The following SLC38A4 variants were observed in gnomAD, a reference collection of about 807,000 sequenced individuals.
SLC38A4 encodes sodium-coupled neutral amino acid transporter 4.
Under a neutral mutation model 63.1 loss-of-function variants are expected in SLC38A4, and 20 were observed. The ratio of observed to expected loss-of-function variants is 0.32; its 90% confidence interval spans 0.22 to 0.46. The LOEUF is 0.46. SLC38A4 is among the 20% of genes least tolerant of loss of function. The pLI, the probability that SLC38A4 is intolerant of heterozygous loss-of-function variation, is 1.00. For synonymous variants in SLC38A4, 230 were observed against 225.5 expected, an observed-to-expected ratio of 1.02 and a Z score of -0.18; for missense variants, 526 against 663.6, an observed-to-expected ratio of 0.79 and a Z score of 2.28.
chr12:46,769,336 A>G lies in SLC38A4; in HGVS notation c.1392T>C (p.Asn464=), dbSNP rs755105921. The G allele has an allele frequency of 2.0e-5, 32 of 1,613,374 alleles. No individual in the cohort carries two copies. The highest frequency in any genetic ancestry group is 8.5e-6 in the Non-Finnish European group (10 of 1,179,566). Reference sequence around the variant, plus strand: ...TTGGCACAAGGATGACCAGAACATTATTAAGTGCAATAAGCACAGCTGCAA... The same window carrying G: ...TTGGCACAAGGATGACCAGAACATTGTTAAGTGCAATAAGCACAGCTGCAA... ...FLIAAVLIAL[N]NVLVILVPTI... Residue 464 remains asparagine, a synonymous_variant, in exon 15 of 17, where the codon AAT becomes AAC. Transcript: ENST00000266579.
chr12:46,783,646 T>G (rs1256581297), intron 7 of SLC38A4, among the ~76,000 whole-genome samples: 2 of 151,420 alleles, frequency 1.3e-5, no homozygotes, highest in Admixed American at 6.6e-5. Context: ...ACATGCAGAG[T>G]TGGGGAAAAG....
At chr12:46,806,119 C>T (rs1939225560) in intron 1 of SLC38A4, among the ~76,000 whole-genome samples, 1 of 151,504 alleles carries the variant, frequency 6.6e-6, no homozygotes, top group South Asian at 2.1e-4. Flanking sequence ...GGAAAGACAT[C>T]CTAGATGAAA....
At chr12:46,786,802 T>C (rs1371381967) in intron 5 of SLC38A4, among the ~76,000 whole-genome samples, 1 of 152,200 alleles carries the variant, frequency 6.6e-6, no homozygotes, top group Non-Finnish European at 1.5e-5. Flanking sequence ...ATAGTCCTGA[T>C]GCTTAGCCCT....
At chr12:46,777,939 G>A (rs140131637) in intron 12 of SLC38A4, among the ~76,000 whole-genome samples, 3 of 152,074 alleles carry the variant, frequency 2.0e-5, no homozygotes, top group South Asian at 2.1e-4. Flanking sequence ...AGTTTTGGTC[G>A]TCATGGGTGT....
At chr12:46,820,452 T>A (rs1477157266) in intron 1 of SLC38A4, among the ~76,000 whole-genome samples, 2 of 152,052 alleles carry the variant, frequency 1.3e-5, no homozygotes, top group Non-Finnish European at 2.9e-5. Context: ...ACTGGCTTAT[T>A]TCACTTAGCA....
At chr12:46,828,608 C>A (rs971843539), upstream of SLC38A4, among the ~76,000 whole-genome samples, 1 of 152,210 alleles carries the variant, frequency 6.6e-6, no homozygotes, top group Non-Finnish European at 1.5e-5. Flanking sequence ...CAGGCATGAG[C>A]CACGGTGCCC....
chr12:46,803,505 A>C (rs1046079898), intron 2 of SLC38A4, 98 bp downstream of exon 2: 1 of 152,076 alleles, frequency 6.6e-6, no homozygotes, highest in Non-Finnish European at 1.5e-5. Context: ...AGTATTTTCA[A>C]ACATTTTAAT....
At position 46,785,097 on chromosome 12, in the gene SLC38A4, A is replaced by G. The variant is rs1329246178; in HGVS notation, c.400+7T>C. ...ATAGAATGTGTTGGACTCAAGTGGT[A>G]GCATACCTCCTTCCTTGGCTGTTTT... On this transcript the variant is annotated splice_region_variant and intron_variant, in intron 6 of 16. Coordinates refer to ENST00000266579, the MANE Select transcript of SLC38A4 (RefSeq NM_018018.5). 6.2e-7 allele frequency: 1 copy of G among 1,605,300 alleles called. No homozygotes were observed. The highest frequency in any genetic ancestry group is 1.3e-5 in the African/African-American group (1 of 74,670).
Position 46,765,455 on chromosome 12 carries a change from TG to T in SLC38A4, c.*1245del. 1 of 373,466 alleles carries T rather than the reference TG, an allele frequency of 2.7e-6. No homozygotes were observed. Among genetic ancestry groups the T allele is most frequent in the Non-Finnish European group, 5.1e-6 (1 of 194,752 alleles). The allele number at this position is 373,466 out of a possible 1,614,324, so 23.1% of individuals were successfully genotyped here. On this transcript the variant is annotated 3_prime_UTR_variant, in exon 17 of 17. Transcript: ENST00000266579. The stretch of plus-strand genomic sequence containing the variant: ...CTAAATTAAAAGAACAACTTTAGTA[TG>T]ATAAAAATTTGCAAAAAGAAACTTA...
intron 1 of SLC38A4, among the ~76,000 whole-genome samples, chr12:46,831,944 G>C (rs1355673737): frequency 6.1e-5 from 9 of 148,358 alleles, no homozygotes; most frequent in African/African-American, 2.4e-4. Flanking sequence ...GGAGGCGGAG[G>C]TGCCCCATAC....
intron 13 of SLC38A4, among the ~76,000 whole-genome samples, chr12:46,775,495 G>A (rs7297226): frequency 0.12 from 18,866 of 151,872 alleles, 1,283 homozygotes; most frequent in Non-Finnish European, 0.14. Context: ...TTGTTGAAGG[G>A]GATGAGAGAC....
chr12:46,801,308 G>A (rs1939128078), intron 2 of SLC38A4, among the ~76,000 whole-genome samples: 1 of 151,978 alleles, frequency 6.6e-6, no homozygotes, highest in South Asian at 2.1e-4. Flanking sequence ...AGAAGTTCAG[G>A]GTGTAAGGGT....
chr12:46,806,518 A>G (rs1939235903), intron 1 of SLC38A4, among the ~76,000 whole-genome samples: 2 of 151,938 alleles, frequency 1.3e-5, no homozygotes. Context: ...CTATCTGAGA[A>G]TAATGGCAGA....
intron 5 of SLC38A4, among the ~76,000 whole-genome samples, chr12:46,785,936 A>G (rs1938752832): frequency 6.6e-6 from 1 of 151,522 alleles, no homozygotes; most frequent in African/African-American, 2.4e-5. Flanking sequence ...TGGAATTCAG[A>G]AAAAAAATCT....
intron 1 of SLC38A4, among the ~76,000 whole-genome samples, chr12:46,820,002 C>T (rs181456137): frequency 6.6e-6 from 1 of 151,748 alleles, no homozygotes; most frequent in African/African-American, 2.4e-5. Context: ...TTAAAGTGGG[C>T]CTCACTGTGT....
intron 2 of SLC38A4, among the ~76,000 whole-genome samples, chr12:46,794,343 C>CA (rs1938956913): frequency 6.6e-6 from 1 of 151,924 alleles, no homozygotes; most frequent in South Asian, 2.1e-4. Flanking sequence ...TGCCAGTAGG[C>CA]ACAAGAAATG....
At chr12:46,781,573 G>A (rs1938639660) in intron 7 of SLC38A4, among the ~76,000 whole-genome samples, 1 of 151,992 alleles carries the variant, frequency 6.6e-6, no homozygotes, top group Non-Finnish European at 1.5e-5. Flanking sequence ...AAAATTAAGT[G>A]TTCTAAATGT....
chr12:46,817,519 A>G (rs1408611772), intron 1 of SLC38A4, among the ~76,000 whole-genome samples: 2 of 151,792 alleles, frequency 1.3e-5, no homozygotes, highest in African/African-American at 4.8e-5. Flanking sequence ...TGGTGCACGA[A>G]AACGATATCA....
chr12:46,797,250 G>T (rs918746846), intron 2 of SLC38A4, among the ~76,000 whole-genome samples: 2 of 152,068 alleles, frequency 1.3e-5, no homozygotes, highest in African/African-American at 4.8e-5. Flanking sequence ...GTCTGTGAGG[G>T]TGTTTCTGGA....
Sources: allele counts gnomAD v4.1 joint callset (sites outside exome capture counted in the v4.1 genomes callset), GRCh38; gene constraint gnomAD v4.1.1; transcripts MANE v1.5; gene names NCBI Gene and HGNC (gene_info 2026-07-23, HGNC 2026-07-21).